IGSF3: variants seen among roughly 807,000 people sequenced by gnomAD.
IGSF3 encodes the protein glu-Trp-Ile EWI motif-containing protein 3.
A neutral mutation model predicts 114.4 loss-of-function variants in IGSF3; 23 were observed. The observed-to-expected ratio is 0.20, with a 90% confidence interval of 0.14 to 0.28. The LOEUF is 0.28. Among genes scored for constraint, IGSF3 ranks in the 10% least tolerant of loss-of-function variants. The pLI, the probability that IGSF3 is intolerant of heterozygous loss-of-function variation, is 1.00. For missense variants in IGSF3, 1,172 were observed against 1,591.5 expected (o/e 0.74, Z 4.48); for synonymous variants, 571 against 645.2 (o/e 0.88, Z 1.74).
rs1647949466 is a variant in IGSF3, at chr1:116,638,811, T to A, written c.44-22354A>T. Among the ~76,000 whole-genome samples the A allele has an allele frequency of 6.6e-6, 1 of 152,204 alleles. No homozygotes were observed. Among genetic ancestry groups the A allele is most frequent in the South Asian group, 2.1e-4 (1 of 4,830 alleles). On this transcript the variant is annotated intron_variant, in intron 2 of 10. Coordinates refer to ENST00000369486, the MANE Select transcript of IGSF3 (RefSeq NM_001007237.3). This position sits in a 1 kb window ranked among gnomAD's most constrained non-coding sequence, Gnocchi z 4.1. ...ATTGCTCTATATGTGTTACAATGTT[T>A]AACCCTCACAACTACAACAGGAGGT...
Position 116,642,363 on chromosome 1 carries a change from G to C in IGSF3, c.43+23921C>G, listed in dbSNP as rs900633177. Among the ~76,000 whole-genome samples, 3 of 152,146 alleles carry C rather than the reference G, an allele frequency of 2.0e-5. No homozygotes were observed. The highest frequency in any genetic ancestry group is 7.2e-5 in the African/African-American group (3 of 41,432). On this transcript the variant is annotated intron_variant, in intron 2 of 10. Coordinates refer to ENST00000369486, the MANE Select transcript of IGSF3 (RefSeq NM_001007237.3). This position sits in a 1 kb window ranked among gnomAD's most constrained non-coding sequence, Gnocchi z 5.4. ...TGCTTTGTAGTGAAACTGGAACTAT[G>C]ATGAATAACATTAGAATTCTGGATG...
Position 116,577,620 on chromosome 1 carries a change from A to G in IGSF3, c.3335-58T>C. ...AGGGCTGAGAACCTGGACTGCTCACATTTCCTTTTGAAGACCTCACCTGAC... is the reference window on the plus strand; with the variant it reads ...AGGGCTGAGAACCTGGACTGCTCACGTTTCCTTTTGAAGACCTCACCTGAC... On this transcript the variant is annotated intron_variant, in intron 10 of 10. Transcript: ENST00000369486. The surrounding 1 kb of genome is among the most constrained non-coding windows in gnomAD (Gnocchi z 5.7). 6 of 1,576,292 alleles carry G rather than the reference A, an allele frequency of 3.8e-6. No individual in the cohort carries two copies. The highest frequency in any genetic ancestry group is 5.2e-6 in the Non-Finnish European group (6 of 1,157,734).
Position 116,577,406 on chromosome 1 carries a change from A to G in IGSF3, c.3491T>C (p.Val1164Ala). ...SSKNSDGKNGVPLLWIKEPHL... is the reference protein window; with the variant it reads ...SSKNSDGKNGAPLLWIKEPHL... ...TGGCTCTTTGATCCACAGCAGAGGC[A>G]CCCCATTCTTCCCATCAGAGTTCTT... Residue 1164 changes from valine to alanine, a missense_variant, in exon 11 of 11, where the codon GTG becomes GCG. Transcript: ENST00000369486. This position sits in a 1 kb window ranked among gnomAD's most constrained non-coding sequence, Gnocchi z 5.7. The G allele has an allele frequency of 6.2e-7, 1 of 1,614,134 alleles. No homozygotes were observed. Among genetic ancestry groups the G allele is most frequent in the Non-Finnish European group, 8.5e-7 (1 of 1,180,010 alleles).
intron 8 of IGSF3, among the ~76,000 whole-genome samples, chr1:116,586,304 T>C (rs138059229): frequency 0.013 from 1,993 of 152,210 alleles, 36 homozygotes; most frequent in African/African-American, 0.046. Flanking sequence ...AAAAAATACA[T>C]ATGTAAAAGA....
Position 116,629,777 on chromosome 1 carries a change from A to G in IGSF3, c.44-13320T>C, listed in dbSNP as rs1476933497. Reference sequence around the variant, plus strand: ...TTTGACCTCATTTACTTTTTCTTAAAGCTGTTTAGCCGCTTTCCTAAAAAC... The same window carrying G: ...TTTGACCTCATTTACTTTTTCTTAAGGCTGTTTAGCCGCTTTCCTAAAAAC... On this transcript the variant is annotated intron_variant, in intron 2 of 10. Coordinates refer to ENST00000369486, the MANE Select transcript of IGSF3 (RefSeq NM_001007237.3). This position sits in a 1 kb window ranked among gnomAD's most constrained non-coding sequence, Gnocchi z 4.3. 6.6e-6 allele frequency among the ~76,000 whole-genome samples: 1 copy of G among 152,204 alleles called. No homozygotes were observed. The highest frequency in any genetic ancestry group is 2.4e-5 in the African/African-American group (1 of 41,444).
rs1022301783 is a variant in IGSF3 at position 116,577,888 on chromosome 1, G to A, written c.3335-326C>T. On this transcript the variant is annotated intron_variant, in intron 10 of 10. Transcript: ENST00000369486. This position sits in a 1 kb window ranked among gnomAD's most constrained non-coding sequence, Gnocchi z 5.7. ...CTGCATCTAGAATGGTGAAGAAGCT[G>A]CTCTGGTTCAGTCGGAGCCTCCTGC... is the stretch of plus-strand genomic sequence containing the variant. 2.6e-5 allele frequency among the ~76,000 whole-genome samples: 4 copies of A among 152,136 alleles called. No individual in the cohort carries two copies. The highest frequency in any genetic ancestry group is 9.7e-5 in the African/African-American group (4 of 41,420).
At chr1:116,590,934 A>G (rs115083690) in intron 7 of IGSF3, among the ~76,000 whole-genome samples, 3,947 of 152,354 alleles carry the variant, frequency 0.026, 167 homozygotes, top group African/African-American at 0.09. Flanking sequence ...CTCCCGCAGT[A>G]AATCGGACAT....
In IGSF3 at chr1:116,662,060, T is replaced by G. The variant is rs114862673; in HGVS notation, c.43+4224A>C. ...GAGCCCTAACACTGTCAGCAATCTA[T>G]CTTAGGCAAGTGACTCTTTTTTTTT... is the stretch of plus-strand genomic sequence containing the variant. On this transcript the variant is annotated intron_variant, in intron 2 of 10. Transcript: ENST00000369486. This position sits in a 1 kb window ranked among gnomAD's most constrained non-coding sequence, Gnocchi z 4.3. 0.034 allele frequency among the ~76,000 whole-genome samples: 5,204 copies of G among 151,942 alleles called. 297 individuals carry two copies. Among genetic ancestry groups the G allele is most frequent in the African/African-American group, 0.12 (4,905 of 41,402 alleles).
chr1:116,585,227 G>A lies in IGSF3; in HGVS notation c.2441-175C>T, dbSNP rs963274790. ...CCTAAACATTCTGAGTTCCTTGATC[G>A]TGTGTCGGAATGCCTGGGTTTCAAG... On this transcript the variant is annotated intron_variant, in intron 8 of 10. Transcript: ENST00000369486. This position sits in a 1 kb window ranked among gnomAD's most constrained non-coding sequence, Gnocchi z 4.9. Among the ~76,000 whole-genome samples the A allele has an allele frequency of 1.3e-5, 2 of 152,148 alleles. No homozygotes were observed. Among genetic ancestry groups the A allele is most frequent in the East Asian group, 1.9e-4 (1 of 5,188 alleles).
chr1:116,621,980 G>C (rs1470323899), intron 2 of IGSF3, among the ~76,000 whole-genome samples: 1 of 152,296 alleles, frequency 6.6e-6, no homozygotes, highest in Admixed American at 6.5e-5. Context: ...GCAGGGAGGG[G>C]TCACTGTGTC....
chr1:116,643,897 G>A (rs890636561), intron 2 of IGSF3, among the ~76,000 whole-genome samples: 1 of 152,204 alleles, frequency 6.6e-6, no homozygotes, highest in South Asian at 2.1e-4. Flanking sequence ...CCAGTTGCAA[G>A]GTCAGGACTC....
intron 4 of IGSF3, among the ~76,000 whole-genome samples, chr1:116,611,763 TC>T (rs1472298109): frequency 6.6e-6 from 1 of 152,100 alleles, no homozygotes; most frequent in East Asian, 1.9e-4. Context: ...CAAGAACACT[TC>T]CTATTTCCGG....
Position 116,664,560 on chromosome 1 carries a change from CTTGT to C in IGSF3, c.43+1720_43+1723del, listed in dbSNP as rs1649252571. Among the ~76,000 whole-genome samples, 2 of 152,216 alleles carry C rather than the reference CTTGT, an allele frequency of 1.3e-5. No homozygotes were observed. On this transcript the variant is annotated intron_variant, in intron 2 of 10. Coordinates refer to ENST00000369486, the MANE Select transcript of IGSF3 (RefSeq NM_001007237.3). The surrounding 1 kb of genome is among the most constrained non-coding windows in gnomAD (Gnocchi z 4.6). Reference sequence around the variant, plus strand: ...CATCCAAACCTCCCCAAGGGCTTTCCTTGTTTGTGTCCTGTTGAATCCACATGAA... The same window carrying C: ...CATCCAAACCTCCCCAAGGGCTTTCCTTGTGTCCTGTTGAATCCACATGAA...
At position 116,589,219 on chromosome 1, in the gene IGSF3, G is replaced by A. The variant is rs555467568; in HGVS notation, c.2030-115C>T. The A allele has an allele frequency of 3.6e-5, 30 of 844,334 alleles. No individual in the cohort carries two copies. Among genetic ancestry groups the A allele is most frequent in the South Asian group, 2.4e-4 (14 of 58,724 alleles). 52.3% of individuals were successfully genotyped at this position (844,334 alleles called of 1,614,324 possible). A position where few individuals can be genotyped will look rare whatever the true frequency, so the allele number is the denominator to read the frequency against. ...CACAGTTCCTGGGGGATTTAACACC[G>A]ACTGGCTTCAGTGTGAGGAAGGCAG... On this transcript the variant is annotated intron_variant, in intron 7 of 10. Coordinates refer to ENST00000369486, the MANE Select transcript of IGSF3 (RefSeq NM_001007237.3). This position sits in a 1 kb window ranked among gnomAD's most constrained non-coding sequence, Gnocchi z 5.7.
chr1:116,580,202 G>A (rs922576798), intron 9 of IGSF3, among the ~76,000 whole-genome samples: 3 of 152,202 alleles, frequency 2.0e-5, no homozygotes, highest in Admixed American at 2.0e-4. Context: ...ATCCCGGGGG[G>A]AAGAGGTGTT....
At position 116,579,631 on chromosome 1, in the gene IGSF3, G is replaced by A; in HGVS notation, c.3095C>T (p.Ala1032Val). ...DDDDDPTERTALLSVGPDAVF... is the reference protein window; with the variant it reads ...DDDDDPTERTVLLSVGPDAVF... The stretch of plus-strand genomic sequence containing the variant: ...AGCATCTGGGCCCACGCTCAGCAGG[G>A]CCGTCCGCTCTGTTGGGTCGTCGTC... The change falls in exon 10 of 11, where the codon GCC becomes GTC. Residue 1032 changes from alanine to valine, a missense_variant. This residue lies in a region of IGSF3 where 423 missense variants were observed against 509.8 expected (regional missense o/e 0.83). Transcript: ENST00000369486. This position sits in a 1 kb window ranked among gnomAD's most constrained non-coding sequence, Gnocchi z 6.4. 1 of 1,613,756 alleles carries A rather than the reference G, an allele frequency of 6.2e-7. No individual in the cohort carries two copies. The highest frequency in any genetic ancestry group is 8.5e-7 in the Non-Finnish European group (1 of 1,179,910).
chr1:116,653,364 T>A (rs1009336451), intron 2 of IGSF3, among the ~76,000 whole-genome samples: 1 of 152,186 alleles, frequency 6.6e-6, no homozygotes, highest in African/African-American at 2.4e-5. Context: ...GAGGCACATA[T>A]AGTTCTGATA....
In IGSF3 at chr1:116,593,889, T is replaced by C. The variant is rs1313902690; in HGVS notation, c.2030-4785A>G. ...CAATGGAATAAAGCCATTAAAGATG[T>C]AAAATTGTATCTGGGACAACTCCAT... is the stretch of plus-strand genomic sequence containing the variant. On this transcript the variant is annotated intron_variant, in intron 7 of 10. Coordinates refer to ENST00000369486, the MANE Select transcript of IGSF3 (RefSeq NM_001007237.3). The surrounding 1 kb of genome is among the most constrained non-coding windows in gnomAD (Gnocchi z 4.5). 6.6e-6 allele frequency among the ~76,000 whole-genome samples: 1 copy of C among 152,232 alleles called. No individual in the cohort carries two copies. The highest frequency in any genetic ancestry group is 1.5e-5 in the Non-Finnish European group (1 of 68,046).
rs1025051456 is a variant in IGSF3 at position 116,654,159 on chromosome 1, C to T, written c.43+12125G>A. On this transcript the variant is annotated intron_variant, in intron 2 of 10. Coordinates refer to ENST00000369486, the MANE Select transcript of IGSF3 (RefSeq NM_001007237.3). The surrounding 1 kb of genome is among the most constrained non-coding windows in gnomAD (Gnocchi z 4.4). ...CACACCACCATCTCCAAACCAACAC[C>T]AAACCACTGCCAAACAAAGCTGAAG... 3.9e-5 allele frequency among the ~76,000 whole-genome samples: 6 copies of T among 152,198 alleles called. No individual in the cohort carries two copies. The highest frequency in any genetic ancestry group is 7.3e-5 in the Non-Finnish European group (5 of 68,036).
Sources: allele counts gnomAD v4.1 joint callset (sites outside exome capture counted in the v4.1 genomes callset), GRCh38; gene constraint gnomAD v4.1.1; regional missense constraint gnomAD v4.1.1; non-coding constraint Gnocchi (gnomAD v3.1); transcripts MANE v1.5; gene names NCBI Gene and HGNC (gene_info 2026-07-23, HGNC 2026-07-21).